The following ADGRG6 variants were observed in gnomAD, a reference collection of about 807,000 sequenced individuals.
ADGRG6 encodes the protein G-protein coupled receptor 126.
A neutral mutation model predicts 142.4 loss-of-function variants in ADGRG6; 84 were observed. The observed-to-expected ratio is 0.59, with a 90% CI of 0.49 to 0.71. The LOEUF is 0.71. Among genes scored for constraint, ADGRG6 ranks in the 30% least tolerant of loss-of-function variants. ADGRG6 has a pLI of 0.00. For missense variants in ADGRG6, 1,367 were observed against 1,466.6 expected, an observed-to-expected ratio of 0.93 and a Z score of 1.11; for synonymous variants, 521 against 520.5, an observed-to-expected ratio of 1.00 and a Z score of -0.01.
At chr6:142,345,960 G>A (rs1779879588) in intron 2 of ADGRG6, among the ~76,000 whole-genome samples, 1 of 152,130 alleles carries the variant, frequency 6.6e-6, no homozygotes, top group South Asian at 2.1e-4. Flanking sequence ...TTCGATTTGC[G>A]AGTTTGCATT....
intron 8 of ADGRG6, 137 bp from the exon 9 acceptor site, chr6:142,393,759 C>A (rs1319724654): frequency 3.3e-6 from 2 of 603,202 alleles, no homozygotes; most frequent in African/African-American, 1.9e-5. Flanking sequence ...CTGAAAGAAG[C>A]TAGAACCTCA....
intron 2 of ADGRG6, among the ~76,000 whole-genome samples, chr6:142,321,486 G>A (rs147649215): frequency 1.1e-3 from 171 of 152,010 alleles, no homozygotes; most frequent in African/African-American, 3.9e-3. Flanking sequence ...ACAGATTTTG[G>A]TATATTCATA....
chr6:142,328,995 A>G (rs1778914655), intron 2 of ADGRG6, among the ~76,000 whole-genome samples: 1 of 152,130 alleles, frequency 6.6e-6, no homozygotes, highest in African/African-American at 2.4e-5. Flanking sequence ...ATAATGGTTC[A>G]GTGTGTGGGC....
chr6:142,307,194 T>C lies in ADGRG6; in HGVS notation c.3-2350T>C, dbSNP rs529263603. 2.6e-5 allele frequency among the ~76,000 whole-genome samples: 4 copies of C among 152,244 alleles called. No individual in the cohort carries two copies. In the East Asian group the frequency reaches 7.7e-4, roughly 29 times the overall value. ...AAATGAATCTGAGAGAAAGCTATTA[T>C]TCACACATTGATGAAAGATAATTGT... On this transcript the variant is annotated intron_variant, in intron 1 of 24. Transcript: ENST00000367609.
At chr6:142,304,935 A>G (rs986226636) in intron 1 of ADGRG6, among the ~76,000 whole-genome samples, 6 of 152,192 alleles carry the variant, frequency 3.9e-5, no homozygotes, top group Non-Finnish European at 7.4e-5. Context: ...ACTTTCCATT[A>G]TAAGCATTAC....
intron 1 of ADGRG6, 44 bp downstream of exon 1, chr6:142,302,375 T>G (rs1490782671): frequency 6.2e-7 from 1 of 1,604,854 alleles, no homozygotes. Flanking sequence ...CTCTTTTATC[T>G]GTGTCCACCT....
chr6:142,413,029 T>TTATATATATATA lies in ADGRG6; in HGVS notation c.2541+1622_2541+1633dup, dbSNP rs139522751. On this transcript the variant is annotated intron_variant, in intron 18 of 24. Transcript: ENST00000367609. ...TGCTGCTATCTGATTGAATGGTTAA[T>TTATATATATATA]TATATATATATATATGTGAAGATAA... Among the ~76,000 whole-genome samples, 505 of 150,192 alleles carry TTATATATATATA rather than the reference T, an allele frequency of 3.4e-3. 2 individuals carry two copies. Among genetic ancestry groups the TTATATATATATA allele is most frequent in the East Asian group, 9.4e-3 (48 of 5,092 alleles).
Position 142,367,750 on chromosome 6 carries a change from T to G in ADGRG6, c.285T>G (p.Ile95Met), listed in dbSNP as rs1310941664. The change falls in exon 3 of 25, where the codon ATT (isoleucine) becomes ATG (methionine). Residue 95 changes from isoleucine (I) to methionine (M), a missense_variant. Ile to Met is a conservative substitution (Grantham distance 10). Coordinates refer to ENST00000367609, the MANE Select transcript of ADGRG6 (RefSeq NM_198569.3). ...ACATTGAAGAAGCTCCCAATTGCAT[T>G]TATGACTCATTATCCCTTGATAATG... The part of the protein sequence containing the change: ...DFDIEEAPNC[I>M]YDSLSLDNGE... The G allele has an allele frequency of 6.2e-7, 1 of 1,613,922 alleles. No homozygotes were observed. Among genetic ancestry groups the G allele is most frequent in the South Asian group, 1.1e-5 (1 of 91,080 alleles).
chr6:142,439,993 CTTA>C (rs1345155867), intron 24 of ADGRG6, among the ~76,000 whole-genome samples: 6 of 152,052 alleles, frequency 3.9e-5, no homozygotes, highest in African/African-American at 7.2e-5. Context: ...TACTTAATGC[CTTA>C]TCAGTTATTA....
chr6:142,389,744 G>A (rs553308920), intron 6 of ADGRG6, among the ~76,000 whole-genome samples: 2 of 151,980 alleles, frequency 1.3e-5, no homozygotes, highest in East Asian at 3.9e-4. Context: ...TTTAATAGAA[G>A]TATTTTATTA....
Position 142,420,100 on chromosome 6 carries a change from A to G in ADGRG6, c.3315A>G (p.Leu1105=). 3.1e-6 allele frequency: 5 copies of G among 1,609,686 alleles called. No homozygotes were observed. Among genetic ancestry groups the G allele is most frequent in the Non-Finnish European group, 4.2e-6 (5 of 1,176,504 alleles). Reference sequence around the variant, plus strand: ...ACCTCTTCTCCATCTTCAATTCATTACAAGGTAAGATAAATTGTACATGAA... The same window carrying G: ...ACCTCTTCTCCATCTTCAATTCATTGCAAGGTAAGATAAATTGTACATGAA... ...FMYLFSIFNS[L]QGLFIFIFHC... The change falls in exon 22 of 25, where the codon TTA becomes TTG. Residue 1105 remains leucine (L), a synonymous_variant. Coordinates refer to ENST00000367609, the MANE Select transcript of ADGRG6 (RefSeq NM_198569.3).
At chr6:142,345,310 G>A (rs982511391) in intron 2 of ADGRG6, among the ~76,000 whole-genome samples, 6 of 151,966 alleles carry the variant, frequency 3.9e-5, no homozygotes, top group Admixed American at 2.0e-4. Flanking sequence ...AAAACATATC[G>A]TAATATCTTT....
chr6:142,344,262 A>G (rs534681642), intron 2 of ADGRG6, among the ~76,000 whole-genome samples: 1 of 152,084 alleles, frequency 6.6e-6, no homozygotes, highest in East Asian at 1.9e-4. Flanking sequence ...ACTTGAGAAA[A>G]CAATGTCTAA....
At position 142,415,770 on chromosome 6, in the gene ADGRG6, C is replaced by T. The variant is rs78898235; in HGVS notation, c.2670-26C>T. 71 of 1,562,038 alleles carry T rather than the reference C, an allele frequency of 4.5e-5. No individual in the cohort carries two copies. In the East Asian group the frequency reaches 1.4e-3, roughly 32 times the overall value. ...GATTGATATACAGTATTAGTTCTCT[C>T]ATAGATTCCTTTTTTCATTTTTTAG... On this transcript the variant is annotated intron_variant, in intron 19 of 24. Transcript: ENST00000367609.
chr6:142,414,058 C>T (rs1250445443), intron 18 of ADGRG6, among the ~76,000 whole-genome samples: 2 of 152,022 alleles, frequency 1.3e-5, no homozygotes, highest in African/African-American at 4.8e-5. Context: ...TAAAAGTTTA[C>T]GCTAGATATT....
At chr6:142,330,509 C>T (rs1779000127) in intron 2 of ADGRG6, among the ~76,000 whole-genome samples, 1 of 152,160 alleles carries the variant, frequency 6.6e-6, no homozygotes, top group Non-Finnish European at 1.5e-5. Flanking sequence ...AGGGCTTCCC[C>T]TAACCCTCAA....
intron 2 of ADGRG6, among the ~76,000 whole-genome samples, chr6:142,344,979 T>C (rs1779822516): frequency 6.6e-6 from 1 of 151,934 alleles, no homozygotes; most frequent in Non-Finnish European, 1.5e-5. Context: ...GGCTACAACA[T>C]AGGATGAGAG....
At chr6:142,315,782 G>A (rs1778019962) in intron 2 of ADGRG6, among the ~76,000 whole-genome samples, 1 of 151,790 alleles carries the variant, frequency 6.6e-6, no homozygotes, top group East Asian at 1.9e-4. Context: ...AGTGAGCCGA[G>A]ATCGTGCTGT....
At chr6:142,433,335 G>T (rs549115503) in intron 22 of ADGRG6, among the ~76,000 whole-genome samples, 2 of 152,068 alleles carry the variant, frequency 1.3e-5, no homozygotes, top group Non-Finnish European at 2.9e-5. Context: ...TAACCAATTC[G>T]AATTATTTAT....
Sources: gnomAD v4.1 joint callset for allele counts (sites outside exome capture counted in the v4.1 genomes callset) on GRCh38, gnomAD v4.1.1 for gene constraint, MANE v1.5 for transcripts, NCBI Gene and HGNC (gene_info 2026-07-23, HGNC 2026-07-21) for gene names.